Variants in FAM178B observed in about 807,000 individuals in gnomAD.
FAM178B encodes the protein family with sequence similarity 178 member B, also known as protein FAM178B.
Under a neutral mutation model 91.7 loss-of-function variants are expected in FAM178B, and 82 were observed. The ratio of observed to expected loss-of-function variants is 0.89; its 90% CI spans 0.75 to 1.07. The LOEUF (loss-of-function observed/expected upper bound fraction) is 1.07, where lower values mean the gene tolerates loss of function less well. Ranked by LOEUF, FAM178B falls within the 50% of genes least tolerant of loss-of-function variation. The probability of loss-of-function intolerance (pLI) is 0.00; values close to 1 mark genes in which losing one functional copy is unlikely to be tolerated. For missense variants in FAM178B, 769 were observed against 846.7 expected, an observed-to-expected ratio of 0.91 and a Z score of 1.14; for synonymous variants, 368 against 359.4, an observed-to-expected ratio of 1.02 and a Z score of -0.27.
chr2:96,930,200 T>C (rs2081515320), intron 8 of FAM178B, among the ~76,000 whole-genome samples: 1 of 98,740 alleles, frequency 1.0e-5, no homozygotes, highest in African/African-American at 4.3e-5. Context: ...AGAGCGAGAC[T>C]CCGTCTCTCC....
chr2:96,896,997 G>C (rs1482299290), intron 13 of FAM178B, among the ~76,000 whole-genome samples: 1 of 152,192 alleles, frequency 6.6e-6, no homozygotes, highest in Non-Finnish European at 1.5e-5. Context: ...CTCCCGAGTA[G>C]CTGGGATTAC....
chr2:96,884,819 G>A (rs2080476694), intron 14 of FAM178B, among the ~76,000 whole-genome samples: 1 of 152,252 alleles, frequency 6.6e-6, no homozygotes, highest in Non-Finnish European at 1.5e-5. Context: ...GCAGAGGGCG[G>A]TATCGAAAGC....
chr2:96,977,970 C>G (rs2082314143), intron 1 of FAM178B: 1 of 449,496 alleles, frequency 2.2e-6, no homozygotes, highest in African/African-American at 2.0e-5. Context: ...GGGCGACCGG[C>G]AAGAGGGAGC....
intron 3 of FAM178B, among the ~76,000 whole-genome samples, chr2:96,971,671 T>C (rs2082219926): frequency 6.6e-6 from 1 of 152,170 alleles, no homozygotes; most frequent in Admixed American, 6.5e-5. Flanking sequence ...CCCAAAGCCA[T>C]TTGTCAGCAG....
chr2:96,969,680 G>A (rs982541784), intron 4 of FAM178B, among the ~76,000 whole-genome samples: 4 of 152,224 alleles, frequency 2.6e-5, no homozygotes, highest in Non-Finnish European at 4.4e-5. Context: ...AAATATATAG[G>A]CATGGTCCCT....
chr2:96,972,929 T>A lies in FAM178B; in HGVS notation c.74-323A>T, dbSNP rs2153375843. On this transcript the variant is annotated intron_variant, in intron 1 of 16. Transcript: ENST00000490605. ...GCCTCCTGGGTTCAAGCGATTCTCC[T>A]GCCTCAGCCTCCCAAGTAGCTGGGA... is the stretch of plus-strand genomic sequence containing the variant. Among the ~76,000 whole-genome samples, 3 of 152,096 alleles carry A rather than the reference T, an allele frequency of 2.0e-5. No homozygotes were observed. In the South Asian group the frequency reaches 6.2e-4, roughly 32 times the overall value.
intron 6 of FAM178B, among the ~76,000 whole-genome samples, chr2:96,959,796 T>C (rs1181683610): frequency 6.6e-6 from 1 of 152,222 alleles, no homozygotes; most frequent in Non-Finnish European, 1.5e-5. Flanking sequence ...TGATCATGCA[T>C]TTACTCCCAA....
chr2:96,960,801 A>G, intron 5 of FAM178B, among the ~76,000 whole-genome samples: 1 of 152,168 alleles, frequency 6.6e-6, no homozygotes, highest in Non-Finnish European at 1.5e-5. Context: ...AAATCACGGC[A>G]ATCCCCTCTG....
At chr2:96,921,351 C>A in intron 11 of FAM178B, 89 bp from the exon 12 acceptor site, 1 of 1,504,026 alleles carries the variant, frequency 6.6e-7, no homozygotes, top group Non-Finnish European at 9.0e-7. Flanking sequence ...AGTAAGTGGG[C>A]AGTCACGGAG....
intron 6 of FAM178B, among the ~76,000 whole-genome samples, chr2:96,957,789 A>G (rs1328575651): frequency 6.6e-6 from 1 of 152,046 alleles, no homozygotes; most frequent in Non-Finnish European, 1.5e-5. Context: ...TACCTTTCCA[A>G]CATGGTGATG....
At chr2:96,890,627 G>GT (rs1484872441) in intron 14 of FAM178B, among the ~76,000 whole-genome samples, 1 of 152,208 alleles carries the variant, frequency 6.6e-6, no homozygotes, top group Non-Finnish European at 1.5e-5. Flanking sequence ...GGCTCAGGTG[G>GT]TAGCTTGGAG....
intron 1 of FAM178B, among the ~76,000 whole-genome samples, chr2:96,980,072 G>T (rs984403683): frequency 1.3e-5 from 2 of 151,908 alleles, no homozygotes. Flanking sequence ...TCTTTGTGGG[G>T]TTTTTTTGTT....
chr2:96,981,747 A>AAGAAAG (rs2082364666), intron 1 of FAM178B, among the ~76,000 whole-genome samples: 1 of 123,376 alleles, frequency 8.1e-6, no homozygotes, highest in African/African-American at 3.0e-5. Flanking sequence ...TCTCAAAAAA[A>AAGAAAG]AAAAAAAAAA....
intron 7 of FAM178B, among the ~76,000 whole-genome samples, chr2:96,950,381 T>C (rs965365900): frequency 5.9e-5 from 9 of 152,086 alleles, no homozygotes; most frequent in African/African-American, 2.2e-4. Flanking sequence ...AGAAGCTGCA[T>C]GTCTTCCTCC....
intron 6 of FAM178B, among the ~76,000 whole-genome samples, chr2:96,957,118 C>T (rs1241899787): frequency 6.6e-6 from 1 of 152,152 alleles, no homozygotes; most frequent in Admixed American, 6.5e-5. Flanking sequence ...TCCCAAAGTG[C>T]TGGGATTATA....
At chr2:96,983,615 C>T (rs1339769361) in intron 1 of FAM178B, among the ~76,000 whole-genome samples, 1 of 152,026 alleles carries the variant, frequency 6.6e-6, no homozygotes, top group African/African-American at 2.4e-5. Flanking sequence ...TCTGTAGAAA[C>T]AGTTTCATTG....
At chr2:96,970,889 A>T (rs1443590350) in intron 3 of FAM178B, 112 bp from the exon 4 acceptor site, 1 of 817,442 alleles carries the variant, frequency 1.2e-6, no homozygotes, top group Non-Finnish European at 2.0e-6. Context: ...TTTTCTGAAA[A>T]GATACTATGT....
intron 1 of FAM178B, chr2:96,977,950 C>CGGGGGGGTGGGGG: frequency 4.4e-6 from 1 of 229,318 alleles, no homozygotes; most frequent in Non-Finnish European, 8.8e-6. Flanking sequence ...GTGGGGCGGG[C>CGGGGGGGTGGGGG]GGGGGAGGGG....
chr2:96,920,075 TCATTCTAGGCA>T, intron 12 of FAM178B, among the ~76,000 whole-genome samples: 1 of 150,194 alleles, frequency 6.7e-6, no homozygotes, highest in Non-Finnish European at 1.5e-5. Flanking sequence ...AGGAAAGGAG[TCATTCTAGGCA>T]GGAGGAGCTG....
Sources: gnomAD v4.1 joint callset for allele counts (sites outside exome capture counted in the v4.1 genomes callset) on GRCh38, gnomAD v4.1.1 for gene constraint, MANE v1.5 for transcripts, NCBI Gene and HGNC (gene_info 2026-07-23, HGNC 2026-07-21) for gene names.